SLC13A3: variants seen among roughly 807,000 people sequenced by gnomAD.
The protein encoded by SLC13A3 is Na(+)/dicarboxylate cotransporter 3.
A neutral mutation model predicts 59.0 loss-of-function variants in SLC13A3; 40 were observed. The observed-to-expected ratio is 0.68, with a 90% CI of 0.53 to 0.88. The LOEUF is 0.88. Ranked by LOEUF, SLC13A3 falls within the 40% of genes least tolerant of loss-of-function variation. SLC13A3 has a pLI of 0.00. For missense variants in SLC13A3, 699 were observed against 783.2 expected (o/e 0.89, Z 1.28); for synonymous variants, 317 against 330.3 (o/e 0.96, Z 0.44).
chr20:46,571,734 G>T (rs1355102169), intron 10 of SLC13A3, among the ~76,000 whole-genome samples: 2 of 152,074 alleles, frequency 1.3e-5, no homozygotes, highest in Non-Finnish European at 2.9e-5. Context: ...AATAGGCAGG[G>T]TCATGAGAGG....
chr20:46,679,907 CAAA>C (rs60329236), intron 1 of SLC13A3, among the ~76,000 whole-genome samples: 5 of 100,676 alleles, frequency 5.0e-5, no homozygotes, highest in African/African-American at 6.7e-5. Context: ...GACTCTGTCT[CAAA>C]AAAAAAAAAA....
chr20:46,648,670 C>T (rs1318696083), intron 1 of SLC13A3, among the ~76,000 whole-genome samples: 8 of 152,122 alleles, frequency 5.3e-5, no homozygotes, highest in African/African-American at 9.7e-5. Flanking sequence ...TTTGCGTAGC[C>T]GAGGCTGGTG....
chr20:46,596,126 C>A, intron 5 of SLC13A3, 31 bp downstream of exon 5: 1 of 1,600,640 alleles, frequency 6.2e-7, no homozygotes, highest in South Asian at 1.1e-5. Flanking sequence ...GGAGCAGAAC[C>A]CTCCCCGCCG....
intron 1 of SLC13A3, among the ~76,000 whole-genome samples, chr20:46,638,275 G>A (rs981985773): frequency 3.3e-5 from 5 of 152,308 alleles, no homozygotes; most frequent in Non-Finnish European, 5.9e-5. Flanking sequence ...TCTGAGCGGG[G>A]CCACAGGCTG....
chr20:46,561,541 G>A (rs901243410), intron 12 of SLC13A3, among the ~76,000 whole-genome samples: 2 of 152,020 alleles, frequency 1.3e-5, no homozygotes, highest in South Asian at 2.1e-4. Context: ...TTTTGTTTTT[G>A]CCGCTTTGCA....
At chr20:46,675,405 CTTTTTTTTTTTTT>C (rs1057001519) in intron 1 of SLC13A3, among the ~76,000 whole-genome samples, 1 of 112,666 alleles carries the variant, frequency 8.9e-6, no homozygotes, top group African/African-American at 3.4e-5. Flanking sequence ...AATTTTTTTT[CTTTTTTTTTTTTT>C]TTTTTTCAGT....
chr20:46,595,631 C>T (rs1477874090), intron 5 of SLC13A3, among the ~76,000 whole-genome samples: 1 of 152,162 alleles, frequency 6.6e-6, no homozygotes, highest in Non-Finnish European at 1.5e-5. Context: ...CAACACTTAC[C>T]GCTATAACCT....
intron 1 of SLC13A3, among the ~76,000 whole-genome samples, chr20:46,620,613 A>C (rs1383214688): frequency 2.0e-5 from 3 of 152,216 alleles, no homozygotes. Flanking sequence ...TTGTTTTAGA[A>C]GGGATGAGAC....
At chr20:46,605,056 C>T (rs546290242) in intron 3 of SLC13A3, among the ~76,000 whole-genome samples, 173 of 152,236 alleles carry the variant, frequency 1.1e-3, no homozygotes, top group Non-Finnish European at 1.5e-3. Flanking sequence ...CGCCTGGCCC[C>T]GTTTGCTCTG....
chr20:46,611,911 T>C (rs999847534), intron 2 of SLC13A3, among the ~76,000 whole-genome samples: 1 of 152,176 alleles, frequency 6.6e-6, no homozygotes, highest in Non-Finnish European at 1.5e-5. Context: ...ATGGATATAA[T>C]TCAGAACTGG....
chr20:46,664,986 G>A (rs1400878422), intron 1 of SLC13A3, among the ~76,000 whole-genome samples: 2 of 152,176 alleles, frequency 1.3e-5, no homozygotes, highest in Admixed American at 6.5e-5. Context: ...TTCACACTCA[G>A]TGACAAGGGC....
chr20:46,613,718 C>A lies in SLC13A3; in HGVS notation c.119G>T (p.Arg40Leu). 1.3e-6 allele frequency: 2 copies of A among 1,596,142 alleles called. No homozygotes were observed. Among genetic ancestry groups the A allele is most frequent in the Non-Finnish European group, 1.7e-6 (2 of 1,170,392 alleles). The change falls in exon 2 of 13, where the codon CGC (arginine) becomes CTC (leucine). Residue 40 changes from arginine (R) to leucine (L), a missense_variant. By Grantham distance (102) the Arg-to-Leu change is moderately radical (BLOSUM62 -2). Transcript: ENST00000279027. ...VVFALPPKEG[R>L]CLFVILLMAV... ...CATGAGCAGGATGACAAACAAGCAG[C>A]GGCCTTCCTGCAGGAGGAGATGCAT...
At chr20:46,612,559 T>A (rs1243834342) in intron 2 of SLC13A3, among the ~76,000 whole-genome samples, 1 of 151,864 alleles carries the variant, frequency 6.6e-6, no homozygotes, top group Non-Finnish European at 1.5e-5. Context: ...CCGTTTGCGG[T>A]GTTAATAAAA....
chr20:46,612,893 C>G (rs1345951373), intron 2 of SLC13A3, among the ~76,000 whole-genome samples: 1 of 152,120 alleles, frequency 6.6e-6, no homozygotes, highest in Non-Finnish European at 1.5e-5. Context: ...TCCTCTGCAT[C>G]CCCCCACCTT....
intron 1 of SLC13A3, among the ~76,000 whole-genome samples, chr20:46,658,668 G>GT (rs1203271073): frequency 6.6e-6 from 1 of 152,138 alleles, no homozygotes. Flanking sequence ...TAAATAAATT[G>GT]TTTTTTAAAA....
upstream of SLC13A3, chr20:46,673,869 G>A (rs1960523507): frequency 6.6e-6 from 1 of 152,158 alleles, no homozygotes. Context: ...TCAAAATCAT[G>A]ACTATTGTTC....
chr20:46,566,118 G>T, intron 11 of SLC13A3, 111 bp downstream of exon 11: 1 of 824,828 alleles, frequency 1.2e-6, no homozygotes, highest in Non-Finnish European at 2.0e-6. Flanking sequence ...CATGTATTTT[G>T]GAAGACAGCA....
At chr20:46,644,384 G>A (rs567384938) in intron 1 of SLC13A3, among the ~76,000 whole-genome samples, 36 of 152,238 alleles carry the variant, frequency 2.4e-4, no homozygotes, top group African/African-American at 7.2e-4. Context: ...ACTGAGGCAC[G>A]GGACTGACCA....
chr20:46,570,571 TA>T (rs1279928051), intron 10 of SLC13A3, among the ~76,000 whole-genome samples: 1 of 152,200 alleles, frequency 6.6e-6, no homozygotes. Context: ...TGTTTACCCT[TA>T]TAATTGCTCA....
Sources: gnomAD v4.1 joint callset for allele counts (sites outside exome capture counted in the v4.1 genomes callset) on GRCh38, gnomAD v4.1.1 for gene constraint, MANE v1.5 for transcripts, NCBI Gene and HGNC (gene_info 2026-07-23, HGNC 2026-07-21) for gene names.